INTS6: variants seen among roughly 807,000 people sequenced by gnomAD.
The protein encoded by INTS6 is integrator complex subunit 6.
In INTS6, 16 loss-of-function variants were observed where a neutral mutation model predicts 104.9. The ratio of observed to expected loss-of-function variants is 0.15; its 90% CI spans 0.10 to 0.23. INTS6 has a LOEUF of 0.23. Ranked by LOEUF, INTS6 falls within the 10% of genes least tolerant of loss-of-function variation. The pLI, the probability that INTS6 is intolerant of heterozygous loss-of-function variation, is 1.00. For synonymous variants in INTS6, 324 were observed against 358.7 expected (o/e 0.90, Z 1.09); for missense variants, 584 against 1,062.8 (o/e 0.55, Z 6.26).
intron 2 of INTS6, 71 bp downstream of exon 2, chr13:51,451,907 G>T: frequency 3.6e-6 from 4 of 1,102,020 alleles, no homozygotes; most frequent in Non-Finnish European, 5.4e-6. Context: ...GGTGAATGGG[G>T]GGGCGGGGAG....
At chr13:51,361,343 A>G (rs780381450), downstream of INTS6, 13 of 1,608,656 alleles carry the variant, frequency 8.1e-6, no homozygotes, top group South Asian at 9.9e-5. Flanking sequence ...GGAGGAAGGC[A>G]CCAAGGCATC....
chr13:51,353,605 T>C (rs1291891025), downstream of INTS6, among the ~76,000 whole-genome samples: 1 of 152,210 alleles, frequency 6.6e-6, no homozygotes, highest in Non-Finnish European at 1.5e-5. Context: ...GTGTTTTCAG[T>C]ACTTAAGAAA....
chr13:51,405,793 A>AT (rs2138010456), intron 4 of INTS6, among the ~76,000 whole-genome samples: 1 of 152,314 alleles, frequency 6.6e-6, no homozygotes, highest in East Asian at 1.9e-4. Flanking sequence ...AGACATATAA[A>AT]TAAGACCATC....
At chr13:51,395,600 G>C in intron 4 of INTS6, 117 bp from the exon 5 acceptor site, 1 of 849,222 alleles carries the variant, frequency 1.2e-6, no homozygotes, top group Non-Finnish European at 1.7e-6. Flanking sequence ...TGAAAAACAA[G>C]CTCAAATATA....
At chr13:51,397,480 A>G (rs536165407) in intron 4 of INTS6, among the ~76,000 whole-genome samples, 1 of 152,320 alleles carries the variant, frequency 6.6e-6, no homozygotes, top group South Asian at 2.1e-4. Flanking sequence ...CTGGGCCAGC[A>G]TATTCTCGAG....
chr13:51,403,884 G>A lies in INTS6; in HGVS notation c.430-8401C>T, dbSNP rs922221857. Among the ~76,000 whole-genome samples the A allele has an allele frequency of 2.0e-5, 3 of 152,018 alleles. No individual in the cohort carries two copies. In the East Asian group the frequency reaches 5.8e-4, roughly 29 times the overall value. The stretch of plus-strand genomic sequence containing the variant: ...AAAGTAAAAGAGATGCAAAGCTAGA[G>A]TTATAATCAGATCACAAGCACCTCT... On this transcript the variant is annotated intron_variant, in intron 4 of 17. Transcript: ENST00000311234.
rs982618896 is a variant in INTS6, at chr13:51,363,559, C to T, written c.*2193G>A. The T allele has an allele frequency of 2.2e-4, 34 of 151,880 alleles. No individual in the cohort carries two copies. Among genetic ancestry groups the T allele is most frequent in the African/African-American group, 6.5e-4 (27 of 41,382 alleles). 9.4% of individuals were successfully genotyped at this position (151,880 alleles called of 1,614,324 possible). ...TAAACTTTCCAAGAATATCATTTGT[C>T]GAGCCTTAAGTCATTCAGTGACATA... On this transcript the variant is annotated 3_prime_UTR_variant, in exon 18 of 18. Coordinates refer to ENST00000311234, the MANE Select transcript of INTS6 (RefSeq NM_012141.3).
At chr13:51,396,667 T>C (rs1956344408) in intron 4 of INTS6, among the ~76,000 whole-genome samples, 1 of 152,202 alleles carries the variant, frequency 6.6e-6, no homozygotes, top group Admixed American at 6.5e-5. Flanking sequence ...CCTTCGGTTC[T>C]AACTACCAGT....
rs773679499 is a variant in INTS6, at chr13:51,426,570, TTAG to T, written c.429+3721_429+3723del. On this transcript the variant is annotated intron_variant, in intron 4 of 17. Transcript: ENST00000311234. ...CCCCTGCTTTAGTACTCCCACACACTTAGTATGTATCCTTATTTTATCATTCAT... is the reference window on the plus strand; with the variant it reads ...CCCCTGCTTTAGTACTCCCACACACTTATGTATCCTTATTTTATCATTCAT... 2.1e-3 allele frequency among the ~76,000 whole-genome samples: 319 copies of T among 152,222 alleles called. 4 individuals are homozygous for T. Among genetic ancestry groups the T allele is most frequent in the Non-Finnish European group, 1.4e-3 (98 of 67,968 alleles).
At chr13:51,440,575 T>C (rs1420874383) in intron 3 of INTS6, 1 of 152,262 alleles carries the variant, frequency 6.6e-6, no homozygotes, top group South Asian at 2.1e-4. Flanking sequence ...GCTACATTCA[T>C]GGTAAGTGCC....
intron 3 of INTS6, chr13:51,355,235 A>T (rs1955462185): frequency 5.8e-6 from 3 of 515,412 alleles, no homozygotes; most frequent in Non-Finnish European, 1.0e-5. Context: ...CAGAGTCAAC[A>T]TTATGTAAAA....
At chr13:51,414,179 A>G (rs1956741239) in intron 4 of INTS6, among the ~76,000 whole-genome samples, 1 of 152,216 alleles carries the variant, frequency 6.6e-6, no homozygotes, top group African/African-American at 2.4e-5. Flanking sequence ...AACCATTCAG[A>G]TAAAAGCAAA....
intron 3 of INTS6, 55 bp from the exon 4 acceptor site, chr13:51,430,438 T>A (rs1675678390): frequency 3.6e-6 from 5 of 1,406,392 alleles, no homozygotes; most frequent in Non-Finnish European, 4.9e-6. Context: ...GCTTACAAAG[T>A]AAAAAGTCAA....
At chr13:51,397,038 C>G (rs1308032631) in intron 4 of INTS6, among the ~76,000 whole-genome samples, 2 of 152,044 alleles carry the variant, frequency 1.3e-5, no homozygotes, top group Non-Finnish European at 2.9e-5. Context: ...TCTACAAATA[C>G]TGGAGTATAT....
At chr13:51,450,638 T>G (rs1445999099) in intron 3 of INTS6, 10 of 987,652 alleles carry the variant, frequency 1.0e-5, no homozygotes, top group Non-Finnish European at 1.1e-5. Flanking sequence ...TCCTCTAACA[T>G]CTTTACTAAT....
chr13:51,429,467 C>T (rs1957044222), intron 4 of INTS6, among the ~76,000 whole-genome samples: 1 of 151,938 alleles, frequency 6.6e-6, no homozygotes, highest in South Asian at 2.1e-4. Flanking sequence ...ATAAGGTTAG[C>T]TATAAATTTT....
chr13:51,366,129 A>G (rs1381916264), intron 17 of INTS6, among the ~76,000 whole-genome samples: 1 of 151,984 alleles, frequency 6.6e-6, no homozygotes, highest in Non-Finnish European at 1.5e-5. Flanking sequence ...ACAAAAAAAC[A>G]AAAAACTAAT....
chr13:51,398,300 T>C (rs1956375905), intron 4 of INTS6, among the ~76,000 whole-genome samples: 1 of 151,938 alleles, frequency 6.6e-6, no homozygotes, highest in African/African-American at 2.4e-5. Context: ...TATATGGACT[T>C]TGAGAATCAA....
At chr13:51,443,875 C>T (rs1454911044) in intron 3 of INTS6, 1 of 152,156 alleles carries the variant, frequency 6.6e-6, no homozygotes, top group Non-Finnish European at 1.5e-5. Flanking sequence ...ATGAACATGA[C>T]TAAATAAACA....
Sources: gnomAD v4.1 joint callset for allele counts (sites outside exome capture counted in the v4.1 genomes callset) on GRCh38, gnomAD v4.1.1 for gene constraint, MANE v1.5 for transcripts, NCBI Gene and HGNC (gene_info 2026-07-23, HGNC 2026-07-21) for gene names.